Variants in ARHGEF6 observed in about 807,000 individuals in gnomAD.
ARHGEF6 encodes rho guanine nucleotide exchange factor 6.
In ARHGEF6, 9 loss-of-function variants were observed where a neutral mutation model predicts 70.3. That is an observed-to-expected ratio of 0.13 (90% CI 0.08 to 0.22). ARHGEF6 has a LOEUF of 0.22. Among genes scored for constraint, ARHGEF6 ranks in the 10% least tolerant of loss-of-function variants. The pLI, the probability that ARHGEF6 is intolerant of heterozygous loss-of-function variation, is 1.00. For missense variants in ARHGEF6, 470 were observed against 563.0 expected, an observed-to-expected ratio of 0.83 and a Z score of 1.67; for synonymous variants, 201 against 207.8, an observed-to-expected ratio of 0.97 and a Z score of 0.28.
chrX:136,747,448 T>A (rs2077105331), intron 3 of ARHGEF6, 60 bp downstream of exon 3: 2 of 1,089,542 alleles, frequency 1.8e-6, no homozygotes, highest in African/African-American at 1.8e-5. Flanking sequence ...CCTAGGGTAA[T>A]CACAAACACA....
At chrX:136,685,923 T>C (rs1229773671) in intron 11 of ARHGEF6, 100 bp from the exon 12 acceptor site, 2 of 894,579 alleles carry the variant, frequency 2.2e-6, no homozygotes, top group East Asian at 3.2e-5. Context: ...TGGTTCCCAC[T>C]GAGTCCCTAT....
chrX:136,686,576 A>C (rs1177806130), intron 11 of ARHGEF6, among the ~76,000 whole-genome samples: 1 of 77,077 alleles, frequency 1.3e-5, no homozygotes, highest in Non-Finnish European at 2.3e-5. Flanking sequence ...TTCTATATAT[A>C]TGTGTGTGTA....
intron 6 of ARHGEF6, among the ~76,000 whole-genome samples, chrX:136,716,882 G>A (rs780426837): frequency 3.6e-5 from 4 of 111,959 alleles, no homozygotes; most frequent in Admixed American, 9.5e-5. Context: ...AAGAATCTTT[G>A]AGCTTGAGAA....
At chrX:136,668,521 C>CTTATTATTATTATTATTA (rs1427684633) in intron 21 of ARHGEF6, among the ~76,000 whole-genome samples, 1 of 98,886 alleles carries the variant, frequency 1.0e-5, no homozygotes, top group African/African-American at 4.2e-5. Flanking sequence ...ATTTCTTCTT[C>CTTATTATTATTATTATTA]TTCTTCTTCT....
intron 5 of ARHGEF6, among the ~76,000 whole-genome samples, chrX:136,736,729 C>T (rs1274118251): frequency 9.1e-6 from 1 of 110,312 alleles, no homozygotes; most frequent in East Asian, 2.9e-4. Context: ...CCTCTGAAAT[C>T]GGCCTCCTCT....
chrX:136,764,362 C>T (rs1337956740), intron 2 of ARHGEF6, among the ~76,000 whole-genome samples: 2 of 111,835 alleles, frequency 1.8e-5, no homozygotes, highest in East Asian at 2.8e-4. Context: ...CAAACAAAAA[C>T]TGGAAACAAT....
At chrX:136,690,774 G>A in intron 9 of ARHGEF6, 26 bp from the exon 10 acceptor site, 2 of 1,194,087 alleles carry the variant, frequency 1.7e-6, no homozygotes, top group African/African-American at 3.5e-5. Context: ...ATATAATTTT[G>A]TTACTGTTGA....
chrX:136,728,775 A>G (rs2076896624), intron 6 of ARHGEF6, among the ~76,000 whole-genome samples: 1 of 109,609 alleles, frequency 9.1e-6, no homozygotes, highest in African/African-American at 3.3e-5. Flanking sequence ...GAATAGAACA[A>G]AAAGGTAGAA....
chrX:136,753,100 T>C (rs969843016), intron 2 of ARHGEF6, among the ~76,000 whole-genome samples: 46 of 112,290 alleles, frequency 4.1e-4, no homozygotes, highest in African/African-American at 1.5e-3. Flanking sequence ...AGCTCAGAAA[T>C]TGGATTCATT....
At chrX:136,771,668 A>G (rs1008937810) in intron 2 of ARHGEF6, among the ~76,000 whole-genome samples, 2 of 112,527 alleles carry the variant, frequency 1.8e-5, no homozygotes, top group African/African-American at 3.2e-5. Flanking sequence ...ACATTTGATT[A>G]TGAGTTTCTT....
At chrX:136,741,050 G>A (rs749113390) in intron 5 of ARHGEF6, among the ~76,000 whole-genome samples, 6 of 111,882 alleles carry the variant, frequency 5.4e-5, no homozygotes, top group Non-Finnish European at 1.1e-4. Context: ...CTCCATATAC[G>A]TATATAATTA....
intron 6 of ARHGEF6, among the ~76,000 whole-genome samples, chrX:136,719,029 A>C (rs1401505495): frequency 9.7e-6 from 1 of 103,078 alleles, no homozygotes; most frequent in Non-Finnish European, 2.0e-5. Context: ...AAAAAAAGTG[A>C]GGCAAAAACT....
Position 136,680,895 on chromosome X carries a change from A to G in ARHGEF6, c.1559-19T>C, listed in dbSNP as rs762269538. ...GTGTTACCTACATCCCCCAATTATGATCAGTTTGAAAACAAAAGGCAAGGA... is the reference window on the plus strand; with the variant it reads ...GTGTTACCTACATCCCCCAATTATGGTCAGTTTGAAAACAAAAGGCAAGGA... On this transcript the variant is annotated intron_variant, in intron 14 of 21. Coordinates refer to ENST00000250617, the MANE Select transcript of ARHGEF6 (RefSeq NM_004840.3). The G allele has an allele frequency of 2.7e-5, 33 of 1,210,987 alleles. No individual in the cohort carries two copies. Among genetic ancestry groups the G allele is most frequent in the Admixed American group, 6.5e-5 (3 of 46,012 alleles).
At chrX:136,707,544 A>G (rs181040576) in intron 8 of ARHGEF6, among the ~76,000 whole-genome samples, 94 of 111,911 alleles carry the variant, frequency 8.4e-4, no homozygotes, top group African/African-American at 2.9e-3. Context: ...AATTTCTCAG[A>G]CTCCCACCAT....
At chrX:136,741,537 T>G (rs184836119) in intron 5 of ARHGEF6, among the ~76,000 whole-genome samples, 4,907 of 105,600 alleles carry the variant, frequency 0.046, 155 homozygotes, top group African/African-American at 0.1. Context: ...TTTTTTTTTT[T>G]TGTGTGTGTG....
intron 12 of ARHGEF6, 120 bp from the exon 13 acceptor site, chrX:136,682,964 ATTTTTTTTTT>A: frequency 1.8e-6 from 1 of 547,469 alleles, no homozygotes; most frequent in Admixed American, 3.7e-5. Context: ...ATTAACGGTA[ATTTTTTTTTT>A]AAAAAAGATA....
chrX:136,676,016 C>T lies in ARHGEF6; in HGVS notation c.1945+608G>A, dbSNP rs767152649. On this transcript the variant is annotated intron_variant, in intron 18 of 21. Coordinates refer to ENST00000250617, the MANE Select transcript of ARHGEF6 (RefSeq NM_004840.3). ...CAAATATTTATCCAAACTATATTCC[C>T]AGCTGATACACACAATTCTGTCACC... 4.4e-4 allele frequency among the ~76,000 whole-genome samples: 49 copies of T among 111,994 alleles called. 1 individual carries two copies. The highest frequency in any genetic ancestry group is 8.8e-4 in the Non-Finnish European group (47 of 53,145).
intron 11 of ARHGEF6, 132 bp from the exon 12 acceptor site, chrX:136,685,955 C>T: frequency 2.9e-6 from 2 of 687,121 alleles, no homozygotes; most frequent in Non-Finnish European, 4.4e-6. Flanking sequence ...AATCCCATGA[C>T]CCAGGCCTGT....
chrX:136,696,317 G>C (rs2148601424), intron 9 of ARHGEF6, among the ~76,000 whole-genome samples: 1 of 111,825 alleles, frequency 8.9e-6, no homozygotes, highest in East Asian at 2.8e-4. Context: ...AGCGTAGCAG[G>C]TGAAAACCAT....
Sources: gnomAD v4.1 joint callset for allele counts (sites outside exome capture counted in the v4.1 genomes callset) on GRCh38, gnomAD v4.1.1 for gene constraint, MANE v1.5 for transcripts, NCBI Gene and HGNC (gene_info 2026-07-23, HGNC 2026-07-21) for gene names.